DLEU7: variants seen among roughly 807,000 people sequenced by gnomAD.
DLEU7 encodes the protein leukemia-associated protein 7.
Under a neutral mutation model 16.0 loss-of-function variants are expected in DLEU7, and 17 were observed. The ratio of observed to expected loss-of-function variants is 1.06; its 90% CI spans 0.73 to 1.59. DLEU7 has a LOEUF of 1.59. Among genes scored for constraint, DLEU7 ranks in the 40% most tolerant of loss-of-function variants. The pLI is 0.00. For synonymous variants in DLEU7, 113 were observed against 139.8 expected (o/e 0.81, Z 1.35); for missense variants, 308 against 314.9 (o/e 0.98, Z 0.17).
chr13:50,828,245 T>C (rs896684635), intron 1 of DLEU7, among the ~76,000 whole-genome samples: 1 of 152,128 alleles, frequency 6.6e-6, no homozygotes, highest in African/African-American at 2.4e-5. Context: ...TTGTCAAACA[T>C]ATGTGGACTA....
chr13:50,780,294 C>T (rs761859898), intron 1 of DLEU7, among the ~76,000 whole-genome samples: 1 of 152,210 alleles, frequency 6.6e-6, no homozygotes, highest in South Asian at 2.1e-4. Context: ...CAGATTACTG[C>T]TCTGTGCGTT....
intron 1 of DLEU7, among the ~76,000 whole-genome samples, chr13:50,835,763 G>A (rs906141455): frequency 1.4e-4 from 22 of 152,316 alleles, no homozygotes; most frequent in Admixed American, 1.2e-3. Flanking sequence ...TCTGCATTGT[G>A]CATTTATTAG....
downstream of DLEU7, chr13:50,711,778 C>CGGGGGGGGG (rs1160698521): frequency 2.2e-5 from 1 of 45,746 alleles, no homozygotes; most frequent in Non-Finnish European, 4.3e-5. Context: ...GTGGCGGGGG[C>CGGGGGGGGG]GGGGGGCATT....
chr13:50,722,387 A>G (rs1270540712), intron 1 of DLEU7, among the ~76,000 whole-genome samples: 2 of 152,192 alleles, frequency 1.3e-5, no homozygotes, highest in African/African-American at 4.8e-5. Flanking sequence ...ACCCTTTTCT[A>G]ATCTGTATTT....
chr13:50,804,861 T>G (rs991619668), intron 1 of DLEU7, among the ~76,000 whole-genome samples: 1 of 147,270 alleles, frequency 6.8e-6, no homozygotes, highest in African/African-American at 2.7e-5. Context: ...TATTTTAATA[T>G]AGGAAGGATG....
At chr13:50,794,038 G>A (rs940987028) in intron 1 of DLEU7, among the ~76,000 whole-genome samples, 2 of 152,192 alleles carry the variant, frequency 1.3e-5, no homozygotes, top group Non-Finnish European at 2.9e-5. Context: ...TATGGTGGTA[G>A]GTAGATGTGC....
chr13:50,840,737 G>C (rs1163812832), intron 1 of DLEU7, among the ~76,000 whole-genome samples: 2 of 151,992 alleles, frequency 1.3e-5, no homozygotes, highest in Non-Finnish European at 2.9e-5. Context: ...ACAGGTCCAG[G>C]AGCAAGTGAA....
At chr13:50,715,288 A>T (rs1311519732) in intron 1 of DLEU7, 1 of 152,216 alleles carries the variant, frequency 6.6e-6, no homozygotes, top group East Asian at 1.9e-4. Context: ...TAATCCCCTC[A>T]TCTAAAAATC....
intron 1 of DLEU7, among the ~76,000 whole-genome samples, chr13:50,807,053 G>C (rs573001903): frequency 6.8e-6 from 1 of 147,670 alleles, no homozygotes; most frequent in Non-Finnish European, 1.5e-5. Flanking sequence ...GTCTGCCTCC[G>C]CAAACTTTAG....
At position 50,833,468 on chromosome 13, in the gene DLEU7, G is replaced by A. The variant is rs902131204; in HGVS notation, c.459+9720C>T. On this transcript the variant is annotated intron_variant, in intron 1 of 1. Coordinates refer to ENST00000504404, the MANE Select transcript of DLEU7 (RefSeq NM_001306135.2). ...GCAACAAAGAGAATAAAATACCAAGGAATACAAATTACAAGGGATGTGAAG... is the reference window on the plus strand; with the variant it reads ...GCAACAAAGAGAATAAAATACCAAGAAATACAAATTACAAGGGATGTGAAG... Among the ~76,000 whole-genome samples the A allele has an allele frequency of 6.6e-5, 10 of 152,048 alleles. 1 individual carries two copies. Among genetic ancestry groups the A allele is most frequent in the Non-Finnish European group, 7.4e-5 (5 of 68,018 alleles).
intron 1 of DLEU7, among the ~76,000 whole-genome samples, chr13:50,715,732 A>C (rs148757599): frequency 2.0e-4 from 31 of 152,316 alleles, no homozygotes; most frequent in African/African-American, 7.2e-4. Context: ...GTTTCGGAAA[A>C]ACTCCGAAGA....
At chr13:50,718,901 T>C (rs2761843) in intron 1 of DLEU7, among the ~76,000 whole-genome samples, 36,032 of 152,074 alleles carry the variant, frequency 0.24, 5,051 homozygotes, top group African/African-American at 0.38. Context: ...TGAAATTTCT[T>C]AGGACTAAGG....
Position 50,843,387 on chromosome 13 carries a change from T to C in DLEU7, c.260A>G (p.Glu87Gly). 1 of 1,347,380 alleles carries C rather than the reference T, an allele frequency of 7.4e-7. No individual in the cohort carries two copies. Among genetic ancestry groups the C allele is most frequent in the Non-Finnish European group, 9.5e-7 (1 of 1,053,326 alleles). 83.5% of individuals were successfully genotyped at this position (1,347,380 alleles called of 1,614,324 possible). Reference protein sequence around the residue: ...RRTAARANSPEEEVVRGAEGG... With the variant: ...RRTAARANSPGEEVVRGAEGG... ...CTCAGCGCCTCGCACTACCTCCTCC[T>C]CTGGGGAGTTCGCCCGCGCCGCGGT... Residue 87 changes from glutamate to glycine, a missense_variant, in exon 1 of 2, where the codon GAG (glutamate) becomes GGG (glycine). Coordinates refer to ENST00000504404, the MANE Select transcript of DLEU7 (RefSeq NM_001306135.2). This position sits in a 1 kb window ranked among gnomAD's most constrained non-coding sequence, Gnocchi z 5.7.
At chr13:50,826,296 A>G (rs887850183) in intron 1 of DLEU7, among the ~76,000 whole-genome samples, 9 of 152,110 alleles carry the variant, frequency 5.9e-5, no homozygotes, top group African/African-American at 2.2e-4. Flanking sequence ...GGGGTTAGGG[A>G]CCTGTGCCTT....
chr13:50,833,898 C>T (rs1030911440), intron 1 of DLEU7, among the ~76,000 whole-genome samples: 1 of 152,068 alleles, frequency 6.6e-6, no homozygotes, highest in Non-Finnish European at 1.5e-5. Context: ...CATCTACAAC[C>T]ATCTGATCTT....
chr13:50,823,534 C>G lies in DLEU7; in HGVS notation c.460-14G>C. On this transcript the variant is annotated splice_polypyrimidine_tract_variant and intron_variant, in intron 1 of 1. Transcript: ENST00000504404. The stretch of plus-strand genomic sequence containing the variant: ...CTCAACACTATCCTGAAATGAACAA[C>G]AAACACAAACAAGAAATTAGATAGG... The G allele has an allele frequency of 6.5e-7, 1 of 1,534,728 alleles. No homozygotes were observed. Among genetic ancestry groups the G allele is most frequent in the Non-Finnish European group, 8.7e-7 (1 of 1,145,728 alleles).
intron 1 of DLEU7, among the ~76,000 whole-genome samples, chr13:50,833,292 GA>G (rs756713125): frequency 3.9e-5 from 6 of 152,184 alleles, no homozygotes; most frequent in Non-Finnish European, 2.9e-5. Context: ...TGTATATTTA[GA>G]AAACCCCATC....
chr13:50,832,238 T>C (rs577446697), intron 1 of DLEU7, among the ~76,000 whole-genome samples: 1 of 152,220 alleles, frequency 6.6e-6, no homozygotes, highest in African/African-American at 2.4e-5. Flanking sequence ...TAGGAATTTA[T>C]CAATTTTCTT....
intron 1 of DLEU7, among the ~76,000 whole-genome samples, chr13:50,809,063 C>T (rs1056055019): frequency 2.0e-5 from 3 of 152,080 alleles, no homozygotes; most frequent in African/African-American, 7.2e-5. Context: ...TGTCAAGAAG[C>T]TTGTCTACCT....
Sources: gnomAD v4.1 joint callset for allele counts (sites outside exome capture counted in the v4.1 genomes callset) on GRCh38, gnomAD v4.1.1 for gene constraint, Gnocchi (gnomAD v3.1) non-coding constraint, MANE v1.5 for transcripts, NCBI Gene and HGNC (gene_info 2026-07-23, HGNC 2026-07-21) for gene names.